The following IFT88 variants were observed in gnomAD, a reference collection of about 807,000 sequenced individuals.
IFT88 encodes the protein intraflagellar transport protein 88 homolog.
In IFT88, 74 loss-of-function variants were observed where a neutral mutation model predicts 119.5. The observed-to-expected ratio is 0.62, with a 90% CI of 0.51 to 0.75. The LOEUF (loss-of-function observed/expected upper bound fraction) is 0.75, where lower values mean the gene tolerates loss of function less well. Ranked by LOEUF, IFT88 falls within the 30% of genes least tolerant of loss-of-function variation. The pLI is 0.00. For missense variants in IFT88, 961 were observed against 977.7 expected (o/e 0.98, Z 0.23); for synonymous variants, 279 against 316.7 (o/e 0.88, Z 1.26).
chr13:20,665,718 A>G (rs553609428), intron 23 of IFT88, among the ~76,000 whole-genome samples: 1 of 152,220 alleles, frequency 6.6e-6, no homozygotes, highest in Non-Finnish European at 1.5e-5. Flanking sequence ...AACATTGATT[A>G]TGATCTGCCG....
rs186540215 is a variant in IFT88, at chr13:20,615,739, C to T, written c.1113-54C>T. 1.1e-4 allele frequency: 108 copies of T among 1,022,986 alleles called. No homozygotes were observed. In the African/African-American group the frequency reaches 1.6e-3, roughly 15 times the overall value. 63.4% of individuals were successfully genotyped at this position (1,022,986 alleles called of 1,614,324 possible). A position where few individuals can be genotyped will look rare whatever the true frequency, so the allele number is the denominator to read the frequency against. On this transcript the variant is annotated intron_variant, in intron 13 of 25. Coordinates refer to ENST00000351808, the MANE Select transcript of IFT88 (RefSeq NM_006531.5). The stretch of plus-strand genomic sequence containing the variant: ...GTTTACACTTAAATTTTAGGAAATC[C>T]AAACTATTTTATACTGTATCTCTAA...
Position 20,690,801 on chromosome 13 carries a change from G to A in IFT88, c.2339G>A (p.Ser780Asn), listed in dbSNP as rs775264617. 6.2e-7 allele frequency: 1 copy of A among 1,612,044 alleles called. No individual in the cohort carries two copies. The highest frequency in any genetic ancestry group is 1.7e-5 in the Admixed American group (1 of 60,020). ...PGTNEPYESSSNKEIDASYVD... is the reference protein window; with the variant it reads ...PGTNEPYESSNNKEIDASYVD... ...ACAAATGAACCTTATGAAAGTAGCA[G>A]TAACAAAGAAATAGGCAAGTACTCT... Residue 780 changes from serine (S) to asparagine (N), a missense_variant, in exon 25 of 26, where the codon AGT (serine) becomes AAT (asparagine). By Grantham distance (46) the Ser-to-Asn change is conservative. Coordinates refer to ENST00000351808, the MANE Select transcript of IFT88 (RefSeq NM_006531.5).
intron 11 of IFT88, 88 bp from the exon 12 acceptor site, chr13:20,601,617 A>G (rs2042603135): frequency 7.7e-6 from 6 of 777,968 alleles, no homozygotes; most frequent in Non-Finnish European, 1.2e-5. Flanking sequence ...AAAGTGGGAG[A>G]CGAAAAAAGA....
At chr13:20,676,838 A>T (rs931355529) in intron 24 of IFT88, among the ~76,000 whole-genome samples, 3 of 152,220 alleles carry the variant, frequency 2.0e-5, no homozygotes, top group African/African-American at 7.2e-5. Context: ...ACATATGCAC[A>T]TACATACATA....
intron 23 of IFT88, among the ~76,000 whole-genome samples, chr13:20,667,103 GTT>G (rs1566422712): frequency 6.6e-6 from 1 of 152,102 alleles, no homozygotes; most frequent in East Asian, 1.9e-4. Context: ...ACATCTTAGC[GTT>G]GAAGTGATAA....
chr13:20,584,884 T>A (rs928065195), intron 3 of IFT88, among the ~76,000 whole-genome samples: 39 of 152,336 alleles, frequency 2.6e-4, no homozygotes, highest in African/African-American at 8.9e-4. Context: ...TATTTTCAGT[T>A]GTCACAACTT....
intron 14 of IFT88, 121 bp downstream of exon 14, chr13:20,616,000 C>A: frequency 2.0e-6 from 1 of 510,294 alleles, no homozygotes; most frequent in Non-Finnish European, 3.3e-6. Context: ...ATTTATCAAG[C>A]AGATAATATT....
chr13:20,644,474 G>A (rs2050442783), intron 19 of IFT88, among the ~76,000 whole-genome samples: 1 of 151,948 alleles, frequency 6.6e-6, no homozygotes, highest in African/African-American at 2.4e-5. Context: ...TACACTCCAG[G>A]CTGGGTGACA....
chr13:20,648,097 C>T (rs902970209), intron 20 of IFT88, among the ~76,000 whole-genome samples: 10 of 152,094 alleles, frequency 6.6e-5, no homozygotes, highest in African/African-American at 2.4e-4. Flanking sequence ...AAACTGTCAA[C>T]CAAGGATTCT....
intron 17 of IFT88, 96 bp downstream of exon 17, chr13:20,638,614 G>A: frequency 1.4e-6 from 1 of 728,760 alleles, no homozygotes; most frequent in Non-Finnish European, 2.0e-6. Context: ...CACATTAGGA[G>A]GAGGAGTTGA....
Position 20,691,176 on chromosome 13 carries a change from T to A in IFT88, c.*1T>A, listed in dbSNP as rs761736471. 1 of 1,611,416 alleles carries A rather than the reference T, an allele frequency of 6.2e-7. No homozygotes were observed. Among genetic ancestry groups the A allele is most frequent in the South Asian group, 1.1e-5 (1 of 90,644 alleles). On this transcript the variant is annotated 3_prime_UTR_variant, in exon 26 of 26. Coordinates refer to ENST00000351808, the MANE Select transcript of IFT88 (RefSeq NM_006531.5). ...AGGAGATGATTTGCTTCCAGAATAA[T>A]ATTCACTTTAATATTTATTAAAGGA...
intron 16 of IFT88, chr13:20,631,398 T>G (rs1186491977): frequency 7.5e-6 from 2 of 268,320 alleles, no homozygotes; most frequent in African/African-American, 4.3e-5. Flanking sequence ...TCAACTCCTT[T>G]GTGTTATTGG....
intron 23 of IFT88, among the ~76,000 whole-genome samples, chr13:20,664,507 C>T (rs1396980670): frequency 6.6e-6 from 1 of 152,088 alleles, no homozygotes; most frequent in Non-Finnish European, 1.5e-5. Context: ...CACTGTGAGC[C>T]CCATAATGGT....
At chr13:20,600,269 G>A (rs2042375899) in intron 11 of IFT88, among the ~76,000 whole-genome samples, 1 of 151,930 alleles carries the variant, frequency 6.6e-6, no homozygotes, top group Non-Finnish European at 1.5e-5. Context: ...AAGAATTTGA[G>A]CATTTTAGAA....
At chr13:20,583,530 A>ATAAGACATCTGG (rs1213740663) in intron 3 of IFT88, among the ~76,000 whole-genome samples, 3 of 152,194 alleles carry the variant, frequency 2.0e-5, no homozygotes, top group Non-Finnish European at 4.4e-5. Flanking sequence ...TCTGGATATT[A>ATAAGACATCTGG]ATGTCTTATC....
intron 13 of IFT88, among the ~76,000 whole-genome samples, chr13:20,609,686 G>A (rs956344394): frequency 2.5e-4 from 38 of 152,204 alleles, no homozygotes; most frequent in Admixed American, 2.4e-3. Context: ...GGAGGTTGCA[G>A]TGAGCCGAGA....
At chr13:20,580,989 T>C (rs2038520708) in intron 2 of IFT88, among the ~76,000 whole-genome samples, 1 of 152,068 alleles carries the variant, frequency 6.6e-6, no homozygotes, top group East Asian at 1.9e-4. Context: ...CCTCCCAAAG[T>C]TCTGGGATTA....
At chr13:20,584,270 C>G (rs2039241789) in intron 3 of IFT88, among the ~76,000 whole-genome samples, 1 of 151,882 alleles carries the variant, frequency 6.6e-6, no homozygotes, top group South Asian at 2.1e-4. Flanking sequence ...AACCTATGAA[C>G]ACAGGATGCC....
At chr13:20,663,827 G>T (rs2054209871) in intron 23 of IFT88, among the ~76,000 whole-genome samples, 1 of 152,184 alleles carries the variant, frequency 6.6e-6, no homozygotes, top group Admixed American at 6.5e-5. Context: ...TATTATCTTA[G>T]TGGATAGCTA....
Sources: gnomAD v4.1 joint callset for allele counts (sites outside exome capture counted in the v4.1 genomes callset) on GRCh38, gnomAD v4.1.1 for gene constraint, MANE v1.5 for transcripts, NCBI Gene and HGNC (gene_info 2026-07-23, HGNC 2026-07-21) for gene names.